Variants in EPPK1 observed in about 807,000 individuals in gnomAD.
The protein encoded by EPPK1 is epiplakin 1, also known as epiplakin.
For synonymous variants in EPPK1, 1,862 were observed against 1,721.2 expected (o/e 1.08, Z -2.03); for missense variants, 3,823 against 3,673.3 (o/e 1.04, Z -1.05).
rs1361492526 is a variant in EPPK1, at chr8:143,869,088, G to A, written c.4166C>T (p.Thr1389Met). ...GTCAACTGCAGTCAGCACCTGGCTC[G>A]TCTGTGTGTCCAGAAGGCCGAGTCT... is the stretch of plus-strand genomic sequence containing the variant. ...ACRLGLLDTQTSQVLTAVDKD... is the reference protein window; with the variant it reads ...ACRLGLLDTQMSQVLTAVDKD... The change falls in exon 2 of 2, where the codon ACG becomes ATG. Residue 1389 changes from threonine (T) to methionine (M), a missense_variant. By Grantham distance (81) the Thr-to-Met change is moderately conservative. Coordinates refer to ENST00000615648, the MANE Select transcript of EPPK1 (RefSeq NM_031308.4). 20 of 1,607,342 alleles carry A rather than the reference G, an allele frequency of 1.2e-5. No individual in the cohort carries two copies. Among genetic ancestry groups the A allele is most frequent in the East Asian group, 4.5e-5 (2 of 44,894 alleles).
chr8:143,857,760 C>A lies in EPPK1; in HGVS notation c.*227G>T, dbSNP rs1018064024. Reference sequence around the variant, plus strand: ...AGGAGAGAAAAGTAAAACCATATGACACATAGACGACCCAGAAAACACACC... The same window carrying A: ...AGGAGAGAAAAGTAAAACCATATGAAACATAGACGACCCAGAAAACACACC... On this transcript the variant is annotated 3_prime_UTR_variant, in exon 2 of 2. Transcript: ENST00000615648. 2 of 473,354 alleles carry A rather than the reference C, an allele frequency of 4.2e-6. No homozygotes were observed. The highest frequency in any genetic ancestry group is 2.0e-5 in the African/African-American group (1 of 49,590). 29.3% of individuals were successfully genotyped at this position (473,354 alleles called of 1,614,324 possible).
chr8:143,867,811 G>T lies in EPPK1; in HGVS notation c.5443C>A (p.Gln1815Lys), dbSNP rs554713560. Residue 1815 changes from glutamine to lysine, a missense_variant, in exon 2 of 2, where the codon CAG becomes AAG. Physicochemically the swap from Gln to Lys is moderately conservative, Grantham distance 53. Transcript: ENST00000615648. ...CCCCCACTCTGGGCTCCATACTCCT[G>T]GATGAGCTCCCGCTTCCTGTCCTCT... ...FTEDRKRELI[Q>K]EYGAQSGGLE... is the part of the protein sequence containing the mutation. 1 of 1,613,578 alleles carries T rather than the reference G, an allele frequency of 6.2e-7. No individual in the cohort carries two copies. Among genetic ancestry groups the T allele is most frequent in the Admixed American group, 1.7e-5 (1 of 60,022 alleles).
In EPPK1 at chr8:143,871,546, C is replaced by G; in HGVS notation, c.1708G>C (p.Gly570Arg). Residue 570 changes from glycine (G) to arginine (R), a missense_variant, in exon 2 of 2, where the codon GGA becomes CGA. Physicochemically the swap from Gly to Arg is moderately radical, Grantham distance 125. Transcript: ENST00000615648. ...FSGLRDTVTP[G>R]ELLKAEIIDQ... is the part of the protein sequence containing the mutation. ...ATGATCTCGGCTTTCAGCAGCTCTC[C>G]TGGTGTCACGGTGTCCCTCAGCCCA... The G allele has an allele frequency of 6.2e-7, 1 of 1,610,246 alleles. No individual in the cohort carries two copies. Among genetic ancestry groups the G allele is most frequent in the South Asian group, 1.1e-5 (1 of 90,512 alleles).
intron 1 of EPPK1, among the ~76,000 whole-genome samples, chr8:143,878,201 G>A (rs1357462374): frequency 6.6e-6 from 1 of 150,550 alleles, no homozygotes; most frequent in Non-Finnish European, 1.5e-5. Context: ...GCGCCACTTC[G>A]GACTCGGAGC....
At position 143,866,642 on chromosome 8, in the gene EPPK1, C is replaced by G; in HGVS notation, c.6612G>C (p.Arg2204=). The G allele has an allele frequency of 6.2e-7, 1 of 1,613,040 alleles. No homozygotes were observed. Among genetic ancestry groups the G allele is most frequent in the Admixed American group, 1.7e-5 (1 of 60,034 alleles). Residue 2204 remains arginine (R), a synonymous_variant, in exon 2 of 2, where the codon CGG becomes CGC. Coordinates refer to ENST00000615648, the MANE Select transcript of EPPK1 (RefSeq NM_031308.4). ...EEMLQDLETG[R]STTQELMEDD... is the part of the protein sequence containing the mutation. ...CCTCCATGAGCTCTTGCGTCGTGCT[C>G]CGTCCCGTTTCCAGGTCCTGGAGCA...
chr8:143,866,652 T>C lies in EPPK1; in HGVS notation c.6602A>G (p.Glu2201Gly). 6.2e-7 allele frequency: 1 copy of C among 1,613,106 alleles called. No homozygotes were observed. Among genetic ancestry groups the C allele is most frequent in the Non-Finnish European group, 8.5e-7 (1 of 1,179,880 alleles). Residue 2201 changes from glutamate (E) to glycine (G), a missense_variant, in exon 2 of 2, where the codon GAA becomes GGA. Glu to Gly is a moderately conservative substitution (Grantham distance 98, BLOSUM62 -2). Transcript: ENST00000615648. ...CTCTTGCGTCGTGCTCCGTCCCGTT[T>C]CCAGGTCCTGGAGCATTTCCTCCGT... ...IITEEMLQDL[E>G]TGRSTTQELM...
rs782650411 is a variant in EPPK1 at position 143,858,011 on chromosome 8, T to C, written c.15243A>G (p.Leu5081=). 3.1e-6 allele frequency: 5 copies of C among 1,602,334 alleles called. No individual in the cohort carries two copies. The East Asian group carries it at 6.7e-5, about 22-fold the overall frequency. Residue 5081 remains leucine (L), a synonymous_variant, in exon 2 of 2, where the codon CTA becomes CTG. Transcript: ENST00000615648. Reference sequence around the variant, plus strand: ...GTCACTGTAGAGAGAGAGAAAGAAATAGGAGCCCCGTCTCAGGGTCCAGGG... The same window carrying C: ...GTCACTGTAGAGAGAGAGAAAGAAACAGGAGCCCCGTCTCAGGGTCCAGGG... ...RATLDPETGL[L]FLSLSLQ
At chr8:143,874,045 C>T (rs1002823214) in intron 1 of EPPK1, among the ~76,000 whole-genome samples, 2 of 152,264 alleles carry the variant, frequency 1.3e-5, no homozygotes, top group Admixed American at 1.3e-4. Context: ...TGAGCCCACA[C>T]CCTGCCCCGG....
rs782818669 is a variant in EPPK1, at chr8:143,872,280, G to A, written c.974C>T (p.Thr325Ile). 15 of 1,605,608 alleles carry A rather than the reference G, an allele frequency of 9.3e-6. No homozygotes were observed. Among genetic ancestry groups the A allele is most frequent in the East Asian group, 2.2e-5 (1 of 44,788 alleles). ...ALPLLEAQAA[T>I]HTLVDPITGQ... ...TGTGATGGGGTCCACCAGGGTGTGGGTGGCAGCCTGGGCCTCTAGGAGTGG... is the reference window on the plus strand; with the variant it reads ...TGTGATGGGGTCCACCAGGGTGTGGATGGCAGCCTGGGCCTCTAGGAGTGG... The change falls in exon 2 of 2, where the codon ACC (threonine) becomes ATC (isoleucine). Residue 325 changes from threonine to isoleucine, a missense_variant. Thr to Ile is a moderately conservative substitution (Grantham distance 89, BLOSUM62 -1). Transcript: ENST00000615648.
At position 143,871,025 on chromosome 8, in the gene EPPK1, G is replaced by C. The variant is rs370206210; in HGVS notation, c.2229C>G (p.Ala743=). ...VHSHRVPVDV[A]YRRGYFDQML... is the part of the protein sequence containing the mutation. ...TCTGATCGAAGTAGCCGCGCCGGTA[G>C]GCCACGTCCACGGGCACGCGGTGGC... The change falls in exon 2 of 2, where the codon GCC becomes GCG. Residue 743 remains alanine, a synonymous_variant. Coordinates refer to ENST00000615648, the MANE Select transcript of EPPK1 (RefSeq NM_031308.4). The C allele has an allele frequency of 6.2e-7, 1 of 1,613,228 alleles. No homozygotes were observed. The highest frequency in any genetic ancestry group is 8.5e-7 in the Non-Finnish European group (1 of 1,179,974).
chr8:143,871,642 C>A lies in EPPK1; in HGVS notation c.1612G>T (p.Val538Leu), dbSNP rs782111699. 10 of 1,603,072 alleles carry A rather than the reference C, an allele frequency of 6.2e-6. No individual in the cohort carries two copies. The highest frequency in any genetic ancestry group is 7.7e-6 in the Non-Finnish European group (9 of 1,176,334). ...AQQYQEGTLSVEKLAAKLSAT... is the reference protein window; with the variant it reads ...AQQYQEGTLSLEKLAAKLSAT... ...CTCAGCTTAGCGGCCAGCTTCTCCA[C>A]GGAGAGGGTCCCTTCCTGGTACTGC... Residue 538 changes from valine to leucine, a missense_variant, in exon 2 of 2, where the codon GTG (valine) becomes TTG (leucine). Val to Leu is a conservative substitution (Grantham distance 32). Coordinates refer to ENST00000615648, the MANE Select transcript of EPPK1 (RefSeq NM_031308.4).
Position 143,869,381 on chromosome 8 carries a change from G to T in EPPK1, c.3873C>A (p.Asp1291Glu). The T allele has an allele frequency of 6.2e-7, 1 of 1,610,352 alleles. No individual in the cohort carries two copies. The highest frequency in any genetic ancestry group is 8.5e-7 in the Non-Finnish European group (1 of 1,179,050). The change falls in exon 2 of 2, where the codon GAC becomes GAA. Residue 1291 changes from aspartate (D) to glutamate (E), a missense_variant. Asp to Glu is a conservative substitution (Grantham distance 45). Transcript: ENST00000615648. ...CTGACAGTCTCTGGTTGTTCAGGGG[G>T]TCAACAAGGAAGCCAGATGCCACCT... ...EAQVASGFLV[D>E]PLNNQRLSVE...
At position 143,868,202 on chromosome 8, in the gene EPPK1, C is replaced by T. The variant is rs782252028; in HGVS notation, c.5052G>A (p.Gln1684=). Residue 1684 remains glutamine (Q), a synonymous_variant, in exon 2 of 2, where the codon CAG becomes CAA. Coordinates refer to ENST00000615648, the MANE Select transcript of EPPK1 (RefSeq NM_031308.4). ...GGTCGATGATGCCGCCCGTGGCGAT[C>T]TGGGCCTCCAGCAGGCGGATGCCGT... ...REHGIRLLEA[Q]IATGGIIDPV... is the part of the protein sequence containing the mutation. 5 of 1,613,044 alleles carry T rather than the reference C, an allele frequency of 3.1e-6. No homozygotes were observed. The East Asian group carries it at 8.9e-5, about 29-fold the overall frequency.
At position 143,867,112 on chromosome 8, in the gene EPPK1, T is replaced by G; in HGVS notation, c.6142A>C (p.Lys2048Gln). 6.2e-7 allele frequency: 1 copy of G among 1,612,978 alleles called. No homozygotes were observed. Among genetic ancestry groups the G allele is most frequent in the Non-Finnish European group, 8.5e-7 (1 of 1,179,840 alleles). The stretch of plus-strand genomic sequence containing the variant: ...TCCACAAACCGTTTCCTCATGTGCT[T>G]CTGGTCGGAAATGAGCGCATAGATG... ...KDIYALISDQ[K>Q]HMRKRFVDPN... The change falls in exon 2 of 2, where the codon AAG becomes CAG. Residue 2048 changes from lysine (K) to glutamine (Q), a missense_variant. Coordinates refer to ENST00000615648, the MANE Select transcript of EPPK1 (RefSeq NM_031308.4).
In EPPK1 at chr8:143,857,760, C is replaced by T; in HGVS notation, c.*227G>A. 6.3e-6 allele frequency: 3 copies of T among 473,472 alleles called. No individual in the cohort carries two copies. Among genetic ancestry groups the T allele is most frequent in the Admixed American group, 3.8e-5 (1 of 26,348 alleles). 29.3% of individuals were successfully genotyped at this position (473,472 alleles called of 1,614,324 possible). A position where few individuals can be genotyped will look rare whatever the true frequency, so the allele number is the denominator to read the frequency against. On this transcript the variant is annotated 3_prime_UTR_variant, in exon 2 of 2. Coordinates refer to ENST00000615648, the MANE Select transcript of EPPK1 (RefSeq NM_031308.4). ...AGGAGAGAAAAGTAAAACCATATGA[C>T]ACATAGACGACCCAGAAAACACACC...
chr8:143,866,409 G>A lies in EPPK1; in HGVS notation c.6845C>T (p.Ser2282Leu), dbSNP rs1328870794. The A allele has an allele frequency of 2.0e-5, 23 of 1,157,312 alleles. 1 individual carries two copies. The highest frequency in any genetic ancestry group is 1.7e-4 in the African/African-American group (10 of 57,700). 71.7% of individuals were successfully genotyped at this position (1,157,312 alleles called of 1,614,324 possible). A position where few individuals can be genotyped will look rare whatever the true frequency, so the allele number is the denominator to read the frequency against. ...GCCCGCGGCCACGGCCTCCTCCACC[G>A]ACAGCCTCAGGTTGCGCACGGGGTC... ...VIDPVRNLRL[S>L]VEEAVAAGVV... Residue 2282 changes from serine (S) to leucine (L), a missense_variant, in exon 2 of 2, where the codon TCG (serine) becomes TTG (leucine). Ser to Leu is a moderately radical substitution (Grantham distance 145, BLOSUM62 -2). Transcript: ENST00000615648.
At chr8:143,873,363 G>T in intron 1 of EPPK1, 65 bp from the exon 2 acceptor site, 2 of 1,201,942 alleles carry the variant, frequency 1.7e-6, no homozygotes, top group Non-Finnish European at 1.1e-6. Flanking sequence ...GGGAAGATGC[G>T]GTCATGGGGC....
At position 143,868,167 on chromosome 8, in the gene EPPK1, C is replaced by T. The variant is rs1554659790; in HGVS notation, c.5087G>A (p.Ser1696Asn). 1 of 1,613,100 alleles carries T rather than the reference C, an allele frequency of 6.2e-7. No homozygotes were observed. The highest frequency in any genetic ancestry group is 8.5e-7 in the Non-Finnish European group (1 of 1,180,000). ...ATGGIIDPVH[S>N]HRVPVDVAYR... ...GGCCACGTCCACGGGCACGCGGTGG[C>T]TGTGCACGGGGTCGATGATGCCGCC... The change falls in exon 2 of 2, where the codon AGC (serine) becomes AAC (asparagine). Residue 1696 changes from serine (S) to asparagine (N), a missense_variant. Physicochemically the swap from Ser to Asn is conservative, Grantham distance 46. Coordinates refer to ENST00000615648, the MANE Select transcript of EPPK1 (RefSeq NM_031308.4).
chr8:143,872,426 C>T lies in EPPK1; in HGVS notation c.828G>A (p.Glu276=), dbSNP rs782580239. ...LAAVDVSARA[E]VRRYLEGTGS... ...CGGTACCCTCCAGGTAGCGCCGCAC[C>T]TCGGCACGTGCACTCACGTCCACTG... The change falls in exon 2 of 2, where the codon GAG becomes GAA. Residue 276 remains glutamate, a synonymous_variant. Coordinates refer to ENST00000615648, the MANE Select transcript of EPPK1 (RefSeq NM_031308.4). 8 of 1,600,952 alleles carry T rather than the reference C, an allele frequency of 5.0e-6. No homozygotes were observed. The highest frequency in any genetic ancestry group is 6.8e-6 in the Non-Finnish European group (8 of 1,179,244).
Sources: allele counts gnomAD v4.1 joint callset (sites outside exome capture counted in the v4.1 genomes callset), GRCh38; gene constraint gnomAD v4.1.1; transcripts MANE v1.5; gene names NCBI Gene and HGNC (gene_info 2026-07-23, HGNC 2026-07-21).